The following NRG3 variants were observed in gnomAD, a reference collection of about 807,000 sequenced individuals.
NRG3 encodes the protein pro-neuregulin-3, membrane-bound isoform.
A neutral mutation model predicts 66.9 loss-of-function variants in NRG3; 31 were observed. That is an observed-to-expected ratio of 0.46 (90% CI 0.35 to 0.63). The LOEUF (loss-of-function observed/expected upper bound fraction) is 0.63. NRG3 is among the 20% of genes least tolerant of loss of function. The probability of loss-of-function intolerance (pLI) is 0.00; values close to 1 mark genes in which losing one functional copy is unlikely to be tolerated. For missense variants in NRG3, 910 were observed against 878.9 expected (o/e 1.04, Z -0.45); for synonymous variants, 393 against 359.4 (o/e 1.09, Z -1.06).
chr10:82,499,406 A>T (rs1843941446), intron 2 of NRG3, among the ~76,000 whole-genome samples: 1 of 152,160 alleles, frequency 6.6e-6, no homozygotes, highest in Non-Finnish European at 1.5e-5. Context: ...TTCCTAGAAG[A>T]TAATAAAAAT....
intron 3 of NRG3, among the ~76,000 whole-genome samples, chr10:82,740,243 C>T (rs1402495170): frequency 6.6e-6 from 1 of 151,012 alleles, no homozygotes; most frequent in Non-Finnish European, 1.5e-5. Flanking sequence ...CTTCCTTCCT[C>T]CCTCCCTCCC....
At chr10:81,892,561 C>T (rs1016864812) in intron 1 of NRG3, among the ~76,000 whole-genome samples, 1 of 151,966 alleles carries the variant, frequency 6.6e-6, no homozygotes, top group Non-Finnish European at 1.5e-5. Flanking sequence ...TTTCCTGTTA[C>T]GTTGGTTGGC....
chr10:82,985,872 T>C lies in NRG3; in HGVS notation c.*267T>C. On this transcript the variant is annotated 3_prime_UTR_variant, in exon 9 of 9. Transcript: ENST00000372141. ...TCCCAACACTGTCCTCTTTGGCTCT[T>C]AGAAGATGTGGGCAATTCAGACCCT... 3.0e-6 allele frequency: 1 copy of C among 334,334 alleles called. No homozygotes were observed. Among genetic ancestry groups the C allele is most frequent in the Non-Finnish European group, 5.4e-6 (1 of 183,758 alleles). The allele number at this position is 334,334 out of a possible 1,614,324, so 20.7% of individuals were successfully genotyped here.
intron 1 of NRG3, among the ~76,000 whole-genome samples, chr10:82,036,841 AG>A (rs544663412): frequency 1.3e-5 from 2 of 151,974 alleles, no homozygotes; most frequent in African/African-American, 4.8e-5. Flanking sequence ...TTTTGTATAG[AG>A]GGGGAAAGGT....
At chr10:82,427,907 A>C (rs1172905990) in intron 2 of NRG3, among the ~76,000 whole-genome samples, 1 of 152,004 alleles carries the variant, frequency 6.6e-6, no homozygotes, top group East Asian at 1.9e-4. Flanking sequence ...ATATTCAGAT[A>C]TTTTATTTCT....
chr10:81,980,691 C>A (rs1464855703), intron 1 of NRG3, among the ~76,000 whole-genome samples: 3 of 152,094 alleles, frequency 2.0e-5, no homozygotes, highest in Non-Finnish European at 2.9e-5. Context: ...TACAAAATAT[C>A]ATATAATAGG....
At position 82,438,443 on chromosome 10, in the gene NRG3, C is replaced by T. The variant is rs866553300; in HGVS notation, c.953+79575C>T. The stretch of plus-strand genomic sequence containing the variant: ...CAGCCTGGAGCTGTAGAAATGGGTG[C>T]TGCCCTTCCCCCACCCAGGGAGCTT... On this transcript the variant is annotated intron_variant, in intron 2 of 8. Transcript: ENST00000372141. Among the ~76,000 whole-genome samples the T allele has an allele frequency of 6.6e-5, 10 of 152,338 alleles. No homozygotes were observed. In the Middle Eastern group the frequency reaches 0.01, roughly 155 times the overall value.
At chr10:82,665,870 A>AT (rs1307583750) in intron 2 of NRG3, among the ~76,000 whole-genome samples, 2 of 151,538 alleles carry the variant, frequency 1.3e-5, no homozygotes, top group Admixed American at 6.6e-5. Flanking sequence ...CTACTACTTC[A>AT]TTTTTTTTCT....
At chr10:82,832,642 C>T (rs544494473) in intron 3 of NRG3, among the ~76,000 whole-genome samples, 19 of 152,008 alleles carry the variant, frequency 1.2e-4, no homozygotes, top group East Asian at 3.9e-4. Flanking sequence ...CAAAAGTGTG[C>T]GATGAGAGGG....
intron 7 of NRG3, among the ~76,000 whole-genome samples, chr10:82,977,187 T>C (rs1852347466): frequency 6.6e-6 from 1 of 152,160 alleles, no homozygotes; most frequent in African/African-American, 2.4e-5. Flanking sequence ...ATCATTGCCA[T>C]TGGATGGTAG....
At chr10:82,740,482 G>A (rs1342646834) in intron 3 of NRG3, among the ~76,000 whole-genome samples, 1 of 152,072 alleles carries the variant, frequency 6.6e-6, no homozygotes, top group Non-Finnish European at 1.5e-5. Flanking sequence ...TGGTCCCACG[G>A]TTACAGTCAC....
chr10:82,971,468 ACT>A (rs1009543660), intron 6 of NRG3, among the ~76,000 whole-genome samples: 1 of 134,086 alleles, frequency 7.5e-6, no homozygotes, highest in Non-Finnish European at 1.6e-5. Flanking sequence ...ACAGAGTTTT[ACT>A]CTCTTACCCA....
At chr10:82,332,974 C>G (rs2082210122) in intron 1 of NRG3, among the ~76,000 whole-genome samples, 2 of 152,298 alleles carry the variant, frequency 1.3e-5, no homozygotes, top group African/African-American at 4.8e-5. Context: ...ACTTATATAG[C>G]TGATCACACA....
At chr10:82,418,421 TGC>T (rs2088771299) in intron 2 of NRG3, among the ~76,000 whole-genome samples, 1 of 152,208 alleles carries the variant, frequency 6.6e-6, no homozygotes, top group African/African-American at 2.4e-5. Context: ...AACCAGTTTA[TGC>T]AAATGTTTAT....
chr10:81,900,462 T>C (rs1843956979), intron 1 of NRG3, among the ~76,000 whole-genome samples: 1 of 152,232 alleles, frequency 6.6e-6, no homozygotes. Flanking sequence ...AAATACGTTG[T>C]GAATTACAAG....
At chr10:82,266,613 T>C (rs1336731356) in intron 1 of NRG3, among the ~76,000 whole-genome samples, 2 of 152,136 alleles carry the variant, frequency 1.3e-5, no homozygotes, top group Admixed American at 6.5e-5. Flanking sequence ...CTTGGGAGAA[T>C]CCAGGATGTG....
chr10:82,866,297 A>C (rs12772598), intron 4 of NRG3, among the ~76,000 whole-genome samples: 15,245 of 152,162 alleles, frequency 0.1, 828 homozygotes, highest in South Asian at 0.17. Context: ...ATGAATGTTT[A>C]TTGTGAAATA....
At chr10:82,680,559 G>A (rs1050724405) in intron 2 of NRG3, among the ~76,000 whole-genome samples, 36 of 152,040 alleles carry the variant, frequency 2.4e-4, no homozygotes, top group African/African-American at 7.7e-4. Context: ...CCACTCTCCC[G>A]CCCTTGTCAT....
At chr10:82,687,029 A>G (rs144280637) in intron 2 of NRG3, among the ~76,000 whole-genome samples, 1,630 of 152,258 alleles carry the variant, frequency 0.011, 25 homozygotes, top group African/African-American at 0.038. Context: ...AATAAAATCA[A>G]CTCAGCATTC....
Sources: allele counts gnomAD v4.1 joint callset (sites outside exome capture counted in the v4.1 genomes callset), GRCh38; gene constraint gnomAD v4.1.1; transcripts MANE v1.5; gene names NCBI Gene and HGNC (gene_info 2026-07-23, HGNC 2026-07-21).